KCNIP4: variants seen among roughly 807,000 people sequenced by gnomAD.
The protein encoded by KCNIP4 is potassium voltage-gated channel interacting protein 4, also known as Kv channel-interacting protein 4.
Under a neutral mutation model 34.0 loss-of-function variants are expected in KCNIP4, and 12 were observed. The ratio of observed to expected loss-of-function variants is 0.35; its 90% confidence interval spans 0.23 to 0.57. The LOEUF is 0.57. Among genes scored for constraint, KCNIP4 ranks in the 20% least tolerant of loss-of-function variants. KCNIP4 has a pLI of 0.83. For missense variants in KCNIP4, 238 were observed against 311.7 expected, an observed-to-expected ratio of 0.76 and a Z score of 1.78; for synonymous variants, 124 against 102.2, an observed-to-expected ratio of 1.21 and a Z score of -1.29.
chr4:20,807,364 T>G (rs547277669), intron 3 of KCNIP4, among the ~76,000 whole-genome samples: 2 of 152,270 alleles, frequency 1.3e-5, no homozygotes, highest in East Asian at 3.9e-4. Context: ...ACATGGCACT[T>G]TTCAGAAATA....
chr4:20,933,569 C>G (rs989639960), intron 1 of KCNIP4, among the ~76,000 whole-genome samples: 1 of 151,996 alleles, frequency 6.6e-6, no homozygotes, highest in African/African-American at 2.4e-5. Context: ...TTGTGATTAT[C>G]CACAATTTCT....
chr4:21,112,469 C>G (rs1417683300), intron 1 of KCNIP4, among the ~76,000 whole-genome samples: 1 of 152,144 alleles, frequency 6.6e-6, no homozygotes, highest in East Asian at 1.9e-4. Flanking sequence ...TAAAGCTAAG[C>G]TTTTGTGCCA....
intron 1 of KCNIP4, among the ~76,000 whole-genome samples, chr4:20,891,177 G>A (rs992422508): frequency 9.2e-5 from 14 of 152,054 alleles, no homozygotes; most frequent in South Asian, 6.2e-4. Flanking sequence ...TCACAGTCCC[G>A]ATCAGCTTCT....
At position 21,196,088 on chromosome 4, in the gene KCNIP4, G is replaced by C. The variant is rs116186298; in HGVS notation, c.62-313379C>G. Among the ~76,000 whole-genome samples the C allele has an allele frequency of 3.0e-3, 456 of 152,306 alleles. 5 individuals are homozygous for C. The highest frequency in any genetic ancestry group is 0.01 in the Middle Eastern group (3 of 294). On this transcript the variant is annotated intron_variant, in intron 1 of 8. Coordinates refer to ENST00000382152, the MANE Select transcript of KCNIP4 (RefSeq NM_025221.6). ...CATGGACTTCTTAAAGAATTTTAGA[G>C]TATTTTAATGATTAAAGTAGTATAC...
chr4:20,779,463 A>G (rs16869962), intron 3 of KCNIP4, among the ~76,000 whole-genome samples: 58,057 of 151,596 alleles, frequency 0.38, 11,924 homozygotes, highest in Admixed American at 0.5. Flanking sequence ...CTGACCCTAG[A>G]GTTCGGTGAC....
At chr4:21,453,917 G>A (rs561681421) in intron 1 of KCNIP4, among the ~76,000 whole-genome samples, 53 of 152,164 alleles carry the variant, frequency 3.5e-4, no homozygotes, top group African/African-American at 1.1e-3. Context: ...GCTGGTGAAC[G>A]TGTGAAGTTT....
chr4:21,169,613 T>C (rs1753863404), intron 1 of KCNIP4, among the ~76,000 whole-genome samples: 1 of 152,050 alleles, frequency 6.6e-6, no homozygotes, highest in Admixed American at 6.5e-5. Context: ...GGAAATTCTC[T>C]ATTTGGTTTT....
At chr4:21,464,346 T>C (rs570655080) in intron 1 of KCNIP4, among the ~76,000 whole-genome samples, 29 of 152,150 alleles carry the variant, frequency 1.9e-4, no homozygotes, top group African/African-American at 6.5e-4. Context: ...TATAAATTTC[T>C]CTGTAAGTAC....
chr4:21,338,669 A>G (rs1716431965), intron 1 of KCNIP4, among the ~76,000 whole-genome samples: 1 of 151,928 alleles, frequency 6.6e-6, no homozygotes, highest in South Asian at 2.1e-4. Flanking sequence ...GCATATAGTA[A>G]TAATTCAATA....
intron 1 of KCNIP4, chr4:21,697,428 A>G (rs906117834): frequency 1.9e-5 from 30 of 1,564,486 alleles, no homozygotes; most frequent in Non-Finnish European, 2.5e-5. Flanking sequence ...CGCTTTCTAC[A>G]GCCACTCATC....
intron 1 of KCNIP4, among the ~76,000 whole-genome samples, chr4:21,796,945 G>A (rs1720665969): frequency 6.6e-6 from 1 of 152,040 alleles, no homozygotes; most frequent in South Asian, 2.1e-4. Flanking sequence ...TATATTGAAC[G>A]CTTCTGACAT....
Position 21,716,462 on chromosome 4 carries a change from T to C in KCNIP4, c.61+232109A>G, listed in dbSNP as rs909390076. On this transcript the variant is annotated intron_variant, in intron 1 of 8. Transcript: ENST00000382152. ...AGTGTTGGCCACGCTGGTCTCAAAC[T>C]CCTGACCTCAGGTAATCGCCCACCT... 9.2e-5 allele frequency among the ~76,000 whole-genome samples: 14 copies of C among 152,014 alleles called. No individual in the cohort carries two copies. The East Asian group carries it at 2.3e-3, about 25-fold the overall frequency.
intron 1 of KCNIP4, among the ~76,000 whole-genome samples, chr4:21,774,477 T>G (rs1719038630): frequency 6.7e-6 from 1 of 150,212 alleles, no homozygotes; most frequent in Non-Finnish European, 1.5e-5. Context: ...ATTTTCATGT[T>G]GGTCTGTCTT....
At chr4:21,876,013 G>A (rs1262152589) in intron 1 of KCNIP4, among the ~76,000 whole-genome samples, 2 of 152,048 alleles carry the variant, frequency 1.3e-5, no homozygotes, top group East Asian at 1.9e-4. Context: ...TTGAACCATG[G>A]ATCCCTTTCA....
intron 1 of KCNIP4, among the ~76,000 whole-genome samples, chr4:21,209,496 C>T (rs913095424): frequency 7.9e-5 from 12 of 152,064 alleles, no homozygotes; most frequent in South Asian, 2.1e-4. Flanking sequence ...TGAATGAGAA[C>T]TTTCTGTTCC....
intron 1 of KCNIP4, among the ~76,000 whole-genome samples, chr4:21,198,417 C>T (rs553950654): frequency 1.3e-5 from 2 of 152,198 alleles, no homozygotes; most frequent in African/African-American, 4.8e-5. Flanking sequence ...TGCAAATGTT[C>T]GTTTATTTGG....
At chr4:21,038,363 TTTA>T (rs1405966560) in intron 1 of KCNIP4, among the ~76,000 whole-genome samples, 1 of 152,188 alleles carries the variant, frequency 6.6e-6, no homozygotes, top group African/African-American at 2.4e-5. Context: ...TCTTGCTTTT[TTTA>T]TTATTATTAC....
chr4:21,014,765 T>A (rs1173449032), intron 1 of KCNIP4, among the ~76,000 whole-genome samples: 1 of 152,306 alleles, frequency 6.6e-6, no homozygotes, highest in African/African-American at 2.4e-5. Flanking sequence ...TACCTTTACG[T>A]GTGTGCCCAA....
intron 1 of KCNIP4, among the ~76,000 whole-genome samples, chr4:21,032,251 A>T (rs992742003): frequency 2.6e-5 from 4 of 152,004 alleles, no homozygotes; most frequent in African/African-American, 9.7e-5. Flanking sequence ...CTTGACATGG[A>T]CTGTTTTGTG....
Sources: gnomAD v4.1 joint callset for allele counts (sites outside exome capture counted in the v4.1 genomes callset) on GRCh38, gnomAD v4.1.1 for gene constraint, MANE v1.5 for transcripts, NCBI Gene and HGNC (gene_info 2026-07-23, HGNC 2026-07-21) for gene names.